The following MACROH2A1 variants were observed in gnomAD, a reference collection of about 807,000 sequenced individuals.
MACROH2A1 encodes the protein core histone macro-H2A.1.
MACROH2A1 carries 2 observed loss-of-function variants against 31.6 expected under a neutral mutation model. That is an observed-to-expected ratio of 0.06 (90% CI 0.03 to 0.20). MACROH2A1 has a LOEUF of 0.20. Among genes scored for constraint, MACROH2A1 ranks in the 10% least tolerant of loss-of-function variants. MACROH2A1 has a pLI of 1.00. For missense variants in MACROH2A1, 230 were observed against 474.0 expected (o/e 0.49, Z 4.78); for synonymous variants, 169 against 189.6 (o/e 0.89, Z 0.89).
intron 2 of MACROH2A1, among the ~76,000 whole-genome samples, chr5:135,377,840 G>A (rs1355424100): frequency 6.6e-6 from 1 of 152,182 alleles, no homozygotes; most frequent in Non-Finnish European, 1.5e-5. Flanking sequence ...GTCCCAGCCT[G>A]CTTAATCCTG....
intron 6 of MACROH2A1, among the ~76,000 whole-genome samples, chr5:135,348,502 G>A (rs1024219896): frequency 6.6e-6 from 1 of 152,206 alleles, no homozygotes; most frequent in African/African-American, 2.4e-5. Flanking sequence ...TTAATCACTG[G>A]GGCTAAGCAT....
chr5:135,388,823 G>A, intron 2 of MACROH2A1, 99 bp downstream of exon 2: 1 of 988,216 alleles, frequency 1.0e-6, no homozygotes, highest in East Asian at 2.5e-5. Flanking sequence ...GTAGGTTTGA[G>A]CTGTTTCAAA....
At chr5:135,394,602 G>A (rs1767708722) in intron 1 of MACROH2A1, among the ~76,000 whole-genome samples, 1 of 152,026 alleles carries the variant, frequency 6.6e-6, no homozygotes, top group Non-Finnish European at 1.5e-5. Flanking sequence ...ATTTTTCTTA[G>A]TCTTATATAC....
At chr5:135,337,994 G>A (rs868771131) in intron 8 of MACROH2A1, 2 of 1,200,176 alleles carry the variant, frequency 1.7e-6, no homozygotes, top group Non-Finnish European at 2.1e-6. Flanking sequence ...TGCGCAGGCT[G>A]CCAGGAAGGA....
rs1017421392 is a variant in MACROH2A1 at position 135,340,124 on chromosome 5, A to G, written c.953+3136T>C. 4.6e-5 allele frequency among the ~76,000 whole-genome samples: 7 copies of G among 152,268 alleles called. No individual in the cohort carries two copies. The Middle Eastern group carries it at 0.014, about 296-fold the overall frequency. ...GTGGGACCTGGGGTCTGGCTGACCA[A>G]TGGAGATGGGAGGCAGGGGTTCCAT... is the stretch of plus-strand genomic sequence containing the variant. On this transcript the variant is annotated intron_variant, in intron 8 of 8. Transcript: ENST00000511689.
intron 8 of MACROH2A1, among the ~76,000 whole-genome samples, chr5:135,337,093 G>A (rs183789249): frequency 6.6e-6 from 1 of 152,352 alleles, no homozygotes; most frequent in Admixed American, 6.5e-5. Context: ...TGCTCTGCCA[G>A]CTCCAAGGTC....
At chr5:135,360,307 C>A in intron 5 of MACROH2A1, 190 bp downstream of exon 5, 1 of 593,786 alleles carries the variant, frequency 1.7e-6, no homozygotes, top group East Asian at 2.8e-5. Context: ...CTGCCAGGGT[C>A]CTCCCTCAGC....
chr5:135,387,844 G>A (rs1766631668), intron 2 of MACROH2A1, among the ~76,000 whole-genome samples: 1 of 152,108 alleles, frequency 6.6e-6, no homozygotes, highest in Non-Finnish European at 1.5e-5. Context: ...GTCCCAGACT[G>A]GGGCAAGGGA....
chr5:135,355,315 C>T (rs541250357), intron 5 of MACROH2A1: 1 of 453,892 alleles, frequency 2.2e-6, no homozygotes, highest in South Asian at 1.6e-5. Context: ...CCAGAGGCAT[C>T]CCCACTCTTG....
In MACROH2A1 at chr5:135,353,162, A is replaced by C. The variant is rs532991037; in HGVS notation, c.589-117T>G. 3 of 698,444 alleles carry C rather than the reference A, an allele frequency of 4.3e-6. No individual in the cohort carries two copies. The African/African-American group carries it at 5.3e-5, about 12-fold the overall frequency. 43.3% of individuals were successfully genotyped at this position (698,444 alleles called of 1,614,324 possible). ...TCCAAGTGCACGAGGCACAAAAGGG[A>C]AGCAGGGAGTTGCTGGCTCAAATGA... is the stretch of plus-strand genomic sequence containing the variant. On this transcript the variant is annotated intron_variant, in intron 5 of 8. Transcript: ENST00000511689.
At position 135,360,480 on chromosome 5, in the gene MACROH2A1, GC is replaced by G. The variant is rs1257531465; in HGVS notation, c.588+16del. ...CCTTGGGGCCCTCGAGTAGACTGAG[GC>G]CGCGCATCTGCCTACCTTCTGGCCA... On this transcript the variant is annotated intron_variant, in intron 5 of 8. Transcript: ENST00000511689. 1 of 1,513,684 alleles carries G rather than the reference GC, an allele frequency of 6.6e-7. No individual in the cohort carries two copies. Among genetic ancestry groups the G allele is most frequent in the Admixed American group, 1.7e-5 (1 of 59,890 alleles). The allele number at this position is 1,513,684 out of a possible 1,614,324, so 93.8% of individuals were successfully genotyped here. A position where few individuals can be genotyped will look rare whatever the true frequency, so the allele number is the denominator to read the frequency against.
intron 2 of MACROH2A1, among the ~76,000 whole-genome samples, chr5:135,377,699 C>A (rs1351043778): frequency 6.6e-6 from 1 of 152,234 alleles, no homozygotes; most frequent in Non-Finnish European, 1.5e-5. Context: ...TTATCTTCTG[C>A]ATATTTTCCT....
intron 5 of MACROH2A1, chr5:135,357,852 G>A (rs1392545003): frequency 1.0e-6 from 1 of 984,992 alleles, no homozygotes. Context: ...TAACATCAAT[G>A]GTCAGGCTCC....
intron 6 of MACROH2A1, chr5:135,347,247 G>C (rs1471960854): frequency 6.6e-6 from 1 of 152,230 alleles, no homozygotes; most frequent in Non-Finnish European, 1.5e-5. Flanking sequence ...TTCTGCAGGG[G>C]TGAACTAACC....
At chr5:135,371,675 G>A (rs1425182689) in intron 2 of MACROH2A1, among the ~76,000 whole-genome samples, 5 of 152,084 alleles carry the variant, frequency 3.3e-5, no homozygotes, top group South Asian at 2.1e-4. Flanking sequence ...TGAGGCATAC[G>A]GATAGACCCA....
intron 4 of MACROH2A1, among the ~76,000 whole-genome samples, chr5:135,365,258 G>T (rs1422586226): frequency 2.6e-5 from 4 of 152,164 alleles, no homozygotes; most frequent in Admixed American, 1.3e-4. Context: ...AAACGTTAGG[G>T]ATTCCACAGG....
rs776293744 is a variant in MACROH2A1, at chr5:135,335,027, G to A, written c.1068C>T (p.Ser356=). 5.0e-6 allele frequency: 8 copies of A among 1,613,898 alleles called. No homozygotes were observed. The highest frequency in any genetic ancestry group is 1.3e-5 in the African/African-American group (1 of 75,006). ...CCTGCACATAGATGCCTATACTCTC[G>A]CTGTCAAAAAGCACGAAGTACACCG... ...IKTVYFVLFD[S]ESIGIYVQEM... is the part of the protein sequence containing the mutation. The change falls in exon 9 of 9, where the codon AGC becomes AGT. Residue 356 remains serine, a synonymous_variant. Coordinates refer to ENST00000511689, the MANE Select transcript of MACROH2A1 (RefSeq NM_138610.3).
intron 4 of MACROH2A1, among the ~76,000 whole-genome samples, chr5:135,368,186 CACAA>C (rs1198675726): frequency 6.6e-6 from 1 of 152,224 alleles, no homozygotes; most frequent in Non-Finnish European, 1.5e-5. Context: ...AACTAAAAGC[CACAA>C]ACAGTGTGGA....
intron 6 of MACROH2A1, chr5:135,351,612 G>A (rs1325598028): frequency 7.8e-5 from 10 of 128,192 alleles, no homozygotes; most frequent in African/African-American, 3.1e-4. Context: ...GCCTAGGCTG[G>A]AGTGCAGTGG....
Sources: allele counts gnomAD v4.1 joint callset (sites outside exome capture counted in the v4.1 genomes callset), GRCh38; gene constraint gnomAD v4.1.1; transcripts MANE v1.5; gene names NCBI Gene and HGNC (gene_info 2026-07-23, HGNC 2026-07-21).